HEXD: variants seen among roughly 807,000 people sequenced by gnomAD.
HEXD encodes N-acetyl-beta-galactosaminidase.
HEXD carries 47 observed loss-of-function variants against 54.2 expected under a neutral mutation model. The observed-to-expected ratio is 0.87, with a 90% CI of 0.69 to 1.11. The LOEUF is 1.11. Among genes scored for constraint, HEXD ranks in the 50% least tolerant of loss-of-function variants. The probability of loss-of-function intolerance (pLI) is 0.00; values close to 1 mark genes in which losing one functional copy is unlikely to be tolerated. For synonymous variants in HEXD, 293 were observed against 287.6 expected, an observed-to-expected ratio of 1.02 and a Z score of -0.19; for missense variants, 576 against 649.2, an observed-to-expected ratio of 0.89 and a Z score of 1.23.
Position 82,435,889 on chromosome 17 carries a change from G to C in HEXD, c.631+17G>C, listed in dbSNP as rs369029766. On this transcript the variant is annotated intron_variant, in intron 6 of 12. Transcript: ENST00000327949. ...AGCTCGCAGGTCGGCCAACAGGGCTGGGGGAGGGGGTGGGCCACTGAACTG... is the reference window on the plus strand; with the variant it reads ...AGCTCGCAGGTCGGCCAACAGGGCTCGGGGAGGGGGTGGGCCACTGAACTG... The C allele has an allele frequency of 2.5e-6, 4 of 1,595,766 alleles. No homozygotes were observed. The highest frequency in any genetic ancestry group is 2.7e-5 in the African/African-American group (2 of 74,782).
In HEXD at chr17:82,424,537, C is replaced by T. The variant is rs779301131; in HGVS notation, c.194+34C>T. On this transcript the variant is annotated intron_variant, in intron 3 of 12. Coordinates refer to ENST00000327949, the MANE Select transcript of HEXD (RefSeq NM_001330542.2). ...GCCCGTGGCAGGTACAGGGGCGCGG[C>T]GTGAAAGCGGGGAAGGGGGGGTTCC... 1.1e-5 allele frequency: 16 copies of T among 1,497,598 alleles called. No individual in the cohort carries two copies. In the Admixed American group the frequency reaches 1.4e-4, roughly 13 times the overall value. The allele number at this position is 1,497,598 out of a possible 1,614,324, so 92.8% of individuals were successfully genotyped here. A position where few individuals can be genotyped will look rare whatever the true frequency, so the allele number is the denominator to read the frequency against.
intron 4 of HEXD, among the ~76,000 whole-genome samples, chr17:82,429,894 C>T (rs2053528416): frequency 6.6e-6 from 1 of 152,146 alleles, no homozygotes; most frequent in African/African-American, 2.4e-5. Flanking sequence ...CTCAGCAACT[C>T]CAGACCTCCT....
intron 4 of HEXD, among the ~76,000 whole-genome samples, chr17:82,429,832 C>T (rs1421604964): frequency 6.6e-6 from 1 of 152,174 alleles, no homozygotes; most frequent in African/African-American, 2.4e-5. Context: ...ATTTCTGCTC[C>T]TGCTTTCTCT....
chr17:82,429,437 T>C (rs2143486855), intron 4 of HEXD, among the ~76,000 whole-genome samples: 1 of 152,230 alleles, frequency 6.6e-6, no homozygotes, highest in South Asian at 2.1e-4. Flanking sequence ...CACTTACACA[T>C]GTCGGTGTTC....
intron 4 of HEXD, among the ~76,000 whole-genome samples, chr17:82,432,933 G>A (rs1401172664): frequency 1.4e-5 from 2 of 147,468 alleles, no homozygotes; most frequent in African/African-American, 5.0e-5. Flanking sequence ...GGGCGTGGTG[G>A]CGGGCGCCTG....
At chr17:82,439,769 G>A in intron 9 of HEXD, 56 bp downstream of exon 9, 1 of 1,598,046 alleles carries the variant, frequency 6.3e-7, no homozygotes. Flanking sequence ...AAGACCCGGA[G>A]GGCAGGAGGC....
chr17:82,441,809 TG>T lies in HEXD; in HGVS notation c.1175del (p.Gly392AlafsTer165). On this transcript the variant is annotated frameshift_variant, in exon 12 of 13. Transcript: ENST00000327949. LOFTEE classifies it high-confidence loss of function. The stretch of plus-strand genomic sequence containing the variant: ...TGTGGATTTGCCCCAGGTATGTCAC[TG>T]GCTGGTTCAGCCCCTACCACCGCCA... ...ALLEGNRYVT[G>X]WFSPYHRQRK... is the part of the protein sequence containing the mutation. 1 of 1,613,044 alleles carries T rather than the reference TG, an allele frequency of 6.2e-7. No individual in the cohort carries two copies. The highest frequency in any genetic ancestry group is 2.2e-5 in the East Asian group (1 of 44,884).
chr17:82,436,999 C>T, intron 7 of HEXD, 169 bp from the exon 8 acceptor site: 2 of 698,428 alleles, frequency 2.9e-6, no homozygotes, highest in Non-Finnish European at 5.0e-6. Flanking sequence ...GTCTCCCCGA[C>T]TGGGACCCGG....
At chr17:82,423,057 CAA>C (rs369017189) in intron 2 of HEXD, among the ~76,000 whole-genome samples, 1 of 126,842 alleles carries the variant, frequency 7.9e-6, no homozygotes, top group Non-Finnish European at 1.7e-5. Context: ...AACTCCATCT[CAA>C]AAAAAAAAAG....
At chr17:82,439,015 A>C (rs1051714492) in intron 8 of HEXD, among the ~76,000 whole-genome samples, 3 of 152,160 alleles carry the variant, frequency 2.0e-5, no homozygotes, top group African/African-American at 7.2e-5. Flanking sequence ...TCTGTCACCC[A>C]CCTCACAGCT....
Position 82,418,483 on chromosome 17 carries a change from C to T in HEXD, c.-309C>T. On this transcript the variant is annotated 5_prime_UTR_variant, in exon 1 of 13. Transcript: ENST00000327949. ...TGGTTGCGGCCCTCCGCTGAGGAGCCATCGGACCAGGCCGCCGCGGAGCCG... is the reference window on the plus strand; with the variant it reads ...TGGTTGCGGCCCTCCGCTGAGGAGCTATCGGACCAGGCCGCCGCGGAGCCG... The T allele has an allele frequency of 6.9e-7, 1 of 1,450,982 alleles. No homozygotes were observed. The highest frequency in any genetic ancestry group is 9.0e-7 in the Non-Finnish European group (1 of 1,105,664). The allele number at this position is 1,450,982 out of a possible 1,614,324, so 89.9% of individuals were successfully genotyped here. A position where few individuals can be genotyped will look rare whatever the true frequency, so the allele number is the denominator to read the frequency against.
intron 2 of HEXD, among the ~76,000 whole-genome samples, chr17:82,421,381 T>C (rs1007408857): frequency 2.6e-5 from 4 of 152,190 alleles, no homozygotes; most frequent in African/African-American, 4.8e-5. Flanking sequence ...GGAAAGGTCC[T>C]GGGGAAAGGC....
chr17:82,418,491 C>T lies in HEXD; in HGVS notation c.-301C>T, dbSNP rs1377128028. Reference sequence around the variant, plus strand: ...GCCCTCCGCTGAGGAGCCATCGGACCAGGCCGCCGCGGAGCCGGGCCGGAC... The same window carrying T: ...GCCCTCCGCTGAGGAGCCATCGGACTAGGCCGCCGCGGAGCCGGGCCGGAC... On this transcript the variant is annotated 5_prime_UTR_variant, in exon 1 of 13. The change creates a premature stop within an existing upstream ORF in the 5' untranslated region. Coordinates refer to ENST00000327949, the MANE Select transcript of HEXD (RefSeq NM_001330542.2). 7.2e-7 allele frequency: 1 copy of T among 1,398,344 alleles called. No individual in the cohort carries two copies. The highest frequency in any genetic ancestry group is 9.3e-7 in the Non-Finnish European group (1 of 1,078,790). 86.6% of individuals were successfully genotyped at this position (1,398,344 alleles called of 1,614,324 possible).
chr17:82,430,678 G>A (rs937096003), intron 4 of HEXD, among the ~76,000 whole-genome samples: 7 of 152,114 alleles, frequency 4.6e-5, no homozygotes, highest in East Asian at 1.9e-4. Context: ...CGTGAGCCAC[G>A]GTGCCCAGCC....
At position 82,418,550 on chromosome 17, in the gene HEXD, A is replaced by T; in HGVS notation, c.-242A>T. ...CAGGCCCGGGGACGAACGCCGTAACAGGGAGCGCGAGGCAGGCACGGCGCA... is the reference window on the plus strand; with the variant it reads ...CAGGCCCGGGGACGAACGCCGTAACTGGGAGCGCGAGGCAGGCACGGCGCA... On this transcript the variant is annotated 5_prime_UTR_variant, in exon 1 of 13. Transcript: ENST00000327949. 1 of 889,622 alleles carries T rather than the reference A, an allele frequency of 1.1e-6. No individual in the cohort carries two copies. Among genetic ancestry groups the T allele is most frequent in the Non-Finnish European group, 1.5e-6 (1 of 664,770 alleles). The allele number at this position is 889,622 out of a possible 1,614,324, so 55.1% of individuals were successfully genotyped here. A position where few individuals can be genotyped will look rare whatever the true frequency, so the allele number is the denominator to read the frequency against.
At position 82,434,120 on chromosome 17, in the gene HEXD, C is replaced by T. The variant is rs967104961; in HGVS notation, c.447+298C>T. Among the ~76,000 whole-genome samples the T allele has an allele frequency of 2.0e-5, 3 of 152,224 alleles. No homozygotes were observed. The highest frequency in any genetic ancestry group is 7.2e-5 in the African/African-American group (3 of 41,468). On this transcript the variant is annotated intron_variant, in intron 5 of 12. Coordinates refer to ENST00000327949, the MANE Select transcript of HEXD (RefSeq NM_001330542.2). This position sits in a 1 kb window ranked among gnomAD's most constrained non-coding sequence, Gnocchi z 4.5. Reference sequence around the variant, plus strand: ...GCACCCTCGTGTCAGACGAGACCACCCCGGGCGGCTGGGCTGGCGGAAGCC... The same window carrying T: ...GCACCCTCGTGTCAGACGAGACCACTCCGGGCGGCTGGGCTGGCGGAAGCC...
intron 2 of HEXD, among the ~76,000 whole-genome samples, chr17:82,421,654 C>T (rs191989203): frequency 0.01 from 1,540 of 151,854 alleles, 21 homozygotes; most frequent in Non-Finnish European, 0.012. Context: ...GGAGAAACCC[C>T]GTCTCTACTA....
intron 4 of HEXD, among the ~76,000 whole-genome samples, chr17:82,431,986 G>A (rs576409815): frequency 6.6e-6 from 1 of 152,364 alleles, no homozygotes; most frequent in East Asian, 1.9e-4. Flanking sequence ...GCCCCTGGCT[G>A]TGTGCACTCA....
chr17:82,438,622 G>A (rs2053840399), intron 8 of HEXD, among the ~76,000 whole-genome samples: 1 of 152,250 alleles, frequency 6.6e-6, no homozygotes, highest in East Asian at 1.9e-4. Context: ...GAGGGTTGGG[G>A]GGCAGGTGGC....
Sources: gnomAD v4.1 joint callset for allele counts (sites outside exome capture counted in the v4.1 genomes callset) on GRCh38, gnomAD v4.1.1 for gene constraint, Gnocchi (gnomAD v3.1) non-coding constraint, MANE v1.5 for transcripts, NCBI Gene and HGNC (gene_info 2026-07-23, HGNC 2026-07-21) for gene names.